ZDHHC14: variants seen among roughly 807,000 people sequenced by gnomAD.
The protein encoded by ZDHHC14 is zDHHC palmitoyltransferase 14, also known as palmitoyltransferase ZDHHC14.
In ZDHHC14, 16 loss-of-function variants were observed where a neutral mutation model predicts 47.7. The ratio of observed to expected loss-of-function variants is 0.34; its 90% confidence interval spans 0.23 to 0.51. The LOEUF (loss-of-function observed/expected upper bound fraction) is 0.51, where lower values mean the gene tolerates loss of function less well. Ranked by LOEUF, ZDHHC14 falls within the 20% of genes least tolerant of loss-of-function variation. ZDHHC14 has a pLI of 0.97. For synonymous variants in ZDHHC14, 293 were observed against 278.9 expected, an observed-to-expected ratio of 1.05 and a Z score of -0.50; for missense variants, 515 against 662.5, an observed-to-expected ratio of 0.78 and a Z score of 2.44.
At chr6:157,447,599 G>C (rs2114799114) in intron 1 of ZDHHC14, among the ~76,000 whole-genome samples, 1 of 152,294 alleles carries the variant, frequency 6.6e-6, no homozygotes, top group Admixed American at 6.5e-5. Context: ...TGGAAAAGAA[G>C]CCAAGGAAGG....
At chr6:157,618,727 A>G (rs1420766712) in intron 3 of ZDHHC14, among the ~76,000 whole-genome samples, 1 of 152,142 alleles carries the variant, frequency 6.6e-6, no homozygotes. Context: ...CTTAGCAAAT[A>G]GGAGAGTGCT....
At chr6:157,480,161 G>A (rs1413916215) in intron 1 of ZDHHC14, among the ~76,000 whole-genome samples, 2 of 152,002 alleles carry the variant, frequency 1.3e-5, no homozygotes, top group Non-Finnish European at 2.9e-5. Context: ...GGGAAGGGGA[G>A]TGTTTCATCA....
At chr6:157,651,557 C>T (rs890870185) in intron 7 of ZDHHC14, among the ~76,000 whole-genome samples, 5 of 125,922 alleles carry the variant, frequency 4.0e-5, no homozygotes, top group Admixed American at 8.9e-5. Flanking sequence ...CAACCCGTGA[C>T]GTTCCCTCAA....
chr6:157,432,321 C>T (rs1456808720), intron 1 of ZDHHC14, among the ~76,000 whole-genome samples: 3 of 152,158 alleles, frequency 2.0e-5, no homozygotes, highest in Non-Finnish European at 2.9e-5. Context: ...TGCTCAACAA[C>T]TGGGTTGAAT....
Position 157,677,209 on chromosome 6 carries a change from A to C in ZDHHC14, c.*4087A>C, listed in dbSNP as rs1778983217. On this transcript the variant is annotated 3_prime_UTR_variant, in exon 9 of 9. Transcript: ENST00000359775. ...ACCTATTTTGGAGGTCTGCATGTGG[A>C]GTTGTATGCTATTTTCCAAGGTACC... 7.1e-6 allele frequency: 1 copy of C among 141,608 alleles called. No homozygotes were observed. Among genetic ancestry groups the C allele is most frequent in the Admixed American group, 7.1e-5 (1 of 14,022 alleles). 8.8% of individuals were successfully genotyped at this position (141,608 alleles called of 1,614,324 possible).
At chr6:157,546,729 G>GA (rs1351995418) in intron 2 of ZDHHC14, among the ~76,000 whole-genome samples, 2 of 152,110 alleles carry the variant, frequency 1.3e-5, no homozygotes, top group African/African-American at 4.8e-5. Flanking sequence ...TTTGGGGTTA[G>GA]AAAAAAATGA....
At chr6:157,604,909 G>A (rs1784476269) in intron 3 of ZDHHC14, among the ~76,000 whole-genome samples, 1 of 152,184 alleles carries the variant, frequency 6.6e-6, no homozygotes. Context: ...AATTGAAATT[G>A]GCTTCCAGCA....
chr6:157,509,839 G>T (rs1486507057), intron 1 of ZDHHC14, among the ~76,000 whole-genome samples: 1 of 152,224 alleles, frequency 6.6e-6, no homozygotes, highest in African/African-American at 2.4e-5. Flanking sequence ...TAGTTACTTG[G>T]CATGTAGCAG....
At chr6:157,601,180 G>A (rs1477010665) in intron 3 of ZDHHC14, among the ~76,000 whole-genome samples, 2 of 152,164 alleles carry the variant, frequency 1.3e-5, no homozygotes, top group Non-Finnish European at 1.5e-5. Context: ...ATTGCTATAC[G>A]ATTAAAAACT....
intron 3 of ZDHHC14, among the ~76,000 whole-genome samples, chr6:157,598,687 C>G (rs1784223693): frequency 6.6e-6 from 1 of 152,166 alleles, no homozygotes; most frequent in Non-Finnish European, 1.5e-5. Flanking sequence ...TTACATAATG[C>G]TAGTGAGAAA....
At chr6:157,612,908 A>G (rs1021536398) in intron 3 of ZDHHC14, among the ~76,000 whole-genome samples, 55 of 141,664 alleles carry the variant, frequency 3.9e-4, no homozygotes, top group African/African-American at 9.9e-4. Flanking sequence ...AACTGGGGGG[A>G]AAAAAAAAGC....
At chr6:157,479,272 A>G (rs1183714775) in intron 1 of ZDHHC14, among the ~76,000 whole-genome samples, 1 of 152,260 alleles carries the variant, frequency 6.6e-6, no homozygotes, top group East Asian at 1.9e-4. Flanking sequence ...GAACACAGAT[A>G]TATAAATGTC....
chr6:157,487,132 C>T (rs1207248051), intron 1 of ZDHHC14, among the ~76,000 whole-genome samples: 1 of 152,224 alleles, frequency 6.6e-6, no homozygotes, highest in African/African-American at 2.4e-5. Flanking sequence ...CCACGCTGTC[C>T]CTAAGGCTGG....
intron 1 of ZDHHC14, among the ~76,000 whole-genome samples, chr6:157,513,784 G>A (rs150775761): frequency 1.2e-3 from 180 of 152,306 alleles, no homozygotes; most frequent in African/African-American, 4.2e-3. Flanking sequence ...CACACAGCTA[G>A]TGATGAGGTC....
At chr6:157,485,435 A>C (rs1405209379) in intron 1 of ZDHHC14, among the ~76,000 whole-genome samples, 1 of 152,014 alleles carries the variant, frequency 6.6e-6, no homozygotes, top group African/African-American at 2.4e-5. Flanking sequence ...TGTATGTAAA[A>C]ATTTCCTTTC....
At chr6:157,468,891 G>A (rs1398695054) in intron 1 of ZDHHC14, among the ~76,000 whole-genome samples, 6 of 152,192 alleles carry the variant, frequency 3.9e-5, no homozygotes, top group Admixed American at 3.9e-4. Flanking sequence ...CAGGATTTAA[G>A]ATCATTTAAC....
chr6:157,624,470 G>A (rs1014798884), intron 3 of ZDHHC14, among the ~76,000 whole-genome samples: 1 of 152,230 alleles, frequency 6.6e-6, no homozygotes, highest in African/African-American at 2.4e-5. Context: ...ATATTTTAGT[G>A]TCTGAAAATT....
intron 8 of ZDHHC14, among the ~76,000 whole-genome samples, chr6:157,670,291 T>TTTTA (rs1053698576): frequency 4.6e-5 from 7 of 152,184 alleles, no homozygotes; most frequent in East Asian, 3.9e-4. Context: ...TCCAAGTACT[T>TTTTA]TTTATTTATT....
At chr6:157,650,305 A>G (rs575219119) in intron 7 of ZDHHC14, among the ~76,000 whole-genome samples, 2 of 152,188 alleles carry the variant, frequency 1.3e-5, no homozygotes, top group East Asian at 3.9e-4. Context: ...CAGGGACCCG[A>G]GGGTGAGGGT....
Sources: allele counts gnomAD v4.1 joint callset (sites outside exome capture counted in the v4.1 genomes callset), GRCh38; gene constraint gnomAD v4.1.1; transcripts MANE v1.5; gene names NCBI Gene and HGNC (gene_info 2026-07-23, HGNC 2026-07-21).